Variants in UNC5D observed in about 807,000 individuals in gnomAD.
UNC5D encodes unc-5 netrin receptor D.
In UNC5D, 39 loss-of-function variants were observed where a neutral mutation model predicts 105.4. The observed-to-expected ratio is 0.37, with a 90% CI of 0.29 to 0.48. The LOEUF is 0.48. Among genes scored for constraint, UNC5D ranks in the 20% least tolerant of loss-of-function variants. UNC5D has a pLI of 0.98. For missense variants in UNC5D, 991 were observed against 1,202.4 expected (o/e 0.82, Z 2.60); for synonymous variants, 452 against 450.4 (o/e 1.00, Z -0.04).
intron 16 of UNC5D, among the ~76,000 whole-genome samples, chr8:35,786,089 T>C (rs1475229944): frequency 1.3e-5 from 2 of 152,226 alleles, no homozygotes; most frequent in Non-Finnish European, 2.9e-5. Flanking sequence ...TTTGTTACAT[T>C]TGTAGTACTT....
chr8:35,759,558 C>T (rs566647411), intron 14 of UNC5D, 89 bp downstream of exon 14: 2 of 1,461,496 alleles, frequency 1.4e-6, no homozygotes, highest in South Asian at 1.3e-5. Flanking sequence ...CTTGATTTTC[C>T]TCCTCCTTTA....
intron 11 of UNC5D, among the ~76,000 whole-genome samples, chr8:35,738,213 C>T (rs1483463593): frequency 2.6e-5 from 4 of 152,164 alleles, no homozygotes; most frequent in African/African-American, 9.7e-5. Flanking sequence ...CAGTAACAGC[C>T]TGTGTGTGTA....
At chr8:35,704,177 C>T (rs1274320581) in intron 7 of UNC5D, among the ~76,000 whole-genome samples, 2 of 152,044 alleles carry the variant, frequency 1.3e-5, no homozygotes, top group African/African-American at 4.8e-5. Context: ...TCTTACTTTG[C>T]CTTTCTATTT....
intron 1 of UNC5D, among the ~76,000 whole-genome samples, chr8:35,534,453 C>T (rs1185474886): frequency 1.3e-5 from 2 of 151,966 alleles, no homozygotes; most frequent in Non-Finnish European, 2.9e-5. Context: ...AACACTGTCA[C>T]TGGTCTCCTG....
chr8:35,313,951 ATT>A (rs938261785), intron 1 of UNC5D, among the ~76,000 whole-genome samples: 1 of 152,102 alleles, frequency 6.6e-6, no homozygotes, highest in African/African-American at 2.4e-5. Context: ...GTGCTGTTAA[ATT>A]TTTTTTATGC....
chr8:35,550,767 GGTATTGTA>G (rs1816074084), intron 2 of UNC5D, among the ~76,000 whole-genome samples: 1 of 152,140 alleles, frequency 6.6e-6, no homozygotes, highest in Non-Finnish European at 1.5e-5. Flanking sequence ...TATCAGTAAA[GGTATTGTA>G]GACTTGATAG....
intron 3 of UNC5D, among the ~76,000 whole-genome samples, chr8:35,589,406 CTTT>C (rs34226092): frequency 7.3e-6 from 1 of 136,336 alleles, no homozygotes; most frequent in Non-Finnish European, 1.6e-5. Context: ...GAGCTCTCAT[CTTT>C]TTTTTTTTTT....
At chr8:35,261,876 G>A (rs1203865993) in intron 1 of UNC5D, among the ~76,000 whole-genome samples, 3 of 152,134 alleles carry the variant, frequency 2.0e-5, no homozygotes, top group Non-Finnish European at 4.4e-5. Flanking sequence ...CTGCTTTTTC[G>A]ACTGTTTGAA....
At chr8:35,292,388 CATGCTGCAT>C (rs1807136938) in intron 1 of UNC5D, among the ~76,000 whole-genome samples, 1 of 152,198 alleles carries the variant, frequency 6.6e-6, no homozygotes, top group Non-Finnish European at 1.5e-5. Flanking sequence ...AGGATTAGAG[CATGCTGCAT>C]ATTCAGAACT....
At chr8:35,538,232 G>A (rs1814977121) in intron 1 of UNC5D, among the ~76,000 whole-genome samples, 1 of 151,336 alleles carries the variant, frequency 6.6e-6, no homozygotes, top group African/African-American at 2.4e-5. Flanking sequence ...AGAAGGAAAA[G>A]CATGCGTGTG....
intron 1 of UNC5D, among the ~76,000 whole-genome samples, chr8:35,257,421 C>T (rs1804162243): frequency 2.0e-5 from 3 of 152,132 alleles, no homozygotes; most frequent in Non-Finnish European, 4.4e-5. Context: ...AGCAGGCACC[C>T]TACTAGTGTT....
chr8:35,655,559 A>T (rs1354126280), intron 4 of UNC5D, among the ~76,000 whole-genome samples: 1 of 152,234 alleles, frequency 6.6e-6, no homozygotes, highest in Non-Finnish European at 1.5e-5. Context: ...CTAGTTAGAT[A>T]TCAGAGATTC....
intron 13 of UNC5D, among the ~76,000 whole-genome samples, chr8:35,757,382 C>G (rs1830562725): frequency 6.6e-6 from 1 of 152,082 alleles, no homozygotes; most frequent in South Asian, 2.1e-4. Context: ...GTCTAGCCAC[C>G]ATGCTTGTGA....
intron 1 of UNC5D, among the ~76,000 whole-genome samples, chr8:35,357,222 C>T (rs1801607778): frequency 6.6e-6 from 1 of 152,236 alleles, no homozygotes; most frequent in Non-Finnish European, 1.5e-5. Flanking sequence ...AGCTTAAATT[C>T]CTTTAATTAA....
At position 35,791,892 on chromosome 8, in the gene UNC5D, A is replaced by C. The variant is rs1352648940; in HGVS notation, c.*1329A>C. 1 of 152,004 alleles carries C rather than the reference A, an allele frequency of 6.6e-6. No homozygotes were observed. Among genetic ancestry groups the C allele is most frequent in the African/African-American group, 2.4e-5 (1 of 41,364 alleles). The allele number at this position is 152,004 out of a possible 1,614,324, so 9.4% of individuals were successfully genotyped here. ...GATTGAAATCCACAGATAATTCATG[A>C]CCCTCATCTTATCACTTTACTCCAT... On this transcript the variant is annotated 3_prime_UTR_variant, in exon 17 of 17. Coordinates refer to ENST00000404895, the MANE Select transcript of UNC5D (RefSeq NM_080872.4).
intron 1 of UNC5D, among the ~76,000 whole-genome samples, chr8:35,404,964 A>G (rs1323831524): frequency 6.6e-6 from 1 of 152,182 alleles, no homozygotes; most frequent in African/African-American, 2.4e-5. Flanking sequence ...TGACTTTTTA[A>G]GTTAGACGCT....
chr8:35,487,824 A>G (rs1001918197), intron 1 of UNC5D, among the ~76,000 whole-genome samples: 1 of 152,186 alleles, frequency 6.6e-6, no homozygotes, highest in Non-Finnish European at 1.5e-5. Flanking sequence ...GACAACTTAG[A>G]TGGAAATGAG....
At chr8:35,428,000 A>G (rs1806359882) in intron 1 of UNC5D, among the ~76,000 whole-genome samples, 1 of 152,202 alleles carries the variant, frequency 6.6e-6, no homozygotes, top group African/African-American at 2.4e-5. Context: ...CTTGAAAGAA[A>G]TATTTTGTGG....
intron 1 of UNC5D, among the ~76,000 whole-genome samples, chr8:35,247,578 A>AAATATATAAAATATATAT (rs1803207156): frequency 9.2e-6 from 1 of 108,390 alleles, no homozygotes; most frequent in Admixed American, 1.5e-4. Context: ...AATATGTATA[A>AAATATATAAAATATATAT]AATATATAAA....
Sources: allele counts gnomAD v4.1 joint callset (sites outside exome capture counted in the v4.1 genomes callset), GRCh38; gene constraint gnomAD v4.1.1; transcripts MANE v1.5; gene names NCBI Gene and HGNC (gene_info 2026-07-23, HGNC 2026-07-21).